Variants in SGCZ observed in about 807,000 individuals in gnomAD.
The protein encoded by SGCZ is sarcoglycan zeta, also known as zeta-sarcoglycan.
Under a neutral mutation model 41.3 loss-of-function variants are expected in SGCZ, and 40 were observed. That is an observed-to-expected ratio of 0.97 (90% CI 0.75 to 1.26). The LOEUF (loss-of-function observed/expected upper bound fraction) is 1.26. SGCZ is among the 50% of genes most tolerant of loss of function. The probability of loss-of-function intolerance (pLI) is 0.00; values close to 1 mark genes in which losing one functional copy is unlikely to be tolerated. For synonymous variants in SGCZ, 206 were observed against 137.5 expected (o/e 1.50, Z -3.49); for missense variants, 552 against 369.8 (o/e 1.49, Z -4.04).
intron 5 of SGCZ, among the ~76,000 whole-genome samples, chr8:14,139,110 G>A (rs1803289278): frequency 6.6e-6 from 1 of 152,148 alleles, no homozygotes; most frequent in Non-Finnish European, 1.5e-5. Flanking sequence ...ATCATGAAAT[G>A]AAGGCAGAAA....
intron 2 of SGCZ, among the ~76,000 whole-genome samples, chr8:14,423,247 G>A (rs1799684330): frequency 6.6e-6 from 1 of 151,626 alleles, no homozygotes; most frequent in Non-Finnish European, 1.5e-5. Context: ...CACCAGCATG[G>A]CACATGTATA....
intron 1 of SGCZ, among the ~76,000 whole-genome samples, chr8:14,751,370 T>C (rs1256714478): frequency 6.6e-6 from 1 of 152,128 alleles, no homozygotes; most frequent in East Asian, 1.9e-4. Flanking sequence ...TCTAGTCCAT[T>C]CATTAGTAGG....
At chr8:14,239,091 A>T (rs943909993) in intron 3 of SGCZ, among the ~76,000 whole-genome samples, 9 of 152,058 alleles carry the variant, frequency 5.9e-5, no homozygotes, top group Non-Finnish European at 1.3e-4. Flanking sequence ...GATCTAAAAT[A>T]TTTAAAATTA....
rs945686815 is a variant in SGCZ at position 14,164,473 on chromosome 8, G to T, written c.547+107C>A. The stretch of plus-strand genomic sequence containing the variant: ...AAGAACAAACGTTGTGATTATGTAA[G>T]ACTCTACTTTAGGCATAGGAATCAT... On this transcript the variant is annotated intron_variant, in intron 5 of 7. Transcript: ENST00000382080. 4.2e-5 allele frequency: 56 copies of T among 1,342,916 alleles called. 1 individual carries two copies. The Middle Eastern group carries it at 1.1e-3, about 27-fold the overall frequency. The allele number at this position is 1,342,916 out of a possible 1,614,324, so 83.2% of individuals were successfully genotyped here. A position where few individuals can be genotyped will look rare whatever the true frequency, so the allele number is the denominator to read the frequency against.
intron 2 of SGCZ, among the ~76,000 whole-genome samples, chr8:14,520,145 A>C (rs145820682): frequency 9.2e-5 from 14 of 152,256 alleles, no homozygotes; most frequent in African/African-American, 3.4e-4. Flanking sequence ...TAAGGTATAC[A>C]ATACATTAGC....
chr8:14,107,714 C>G (rs1244699848), intron 6 of SGCZ, among the ~76,000 whole-genome samples: 1 of 152,156 alleles, frequency 6.6e-6, no homozygotes, highest in African/African-American at 2.4e-5. Flanking sequence ...TCATATCTCA[C>G]TGCAGCCACG....
chr8:14,362,230 A>G (rs1803544880), intron 2 of SGCZ, among the ~76,000 whole-genome samples: 1 of 152,206 alleles, frequency 6.6e-6, no homozygotes, highest in Non-Finnish European at 1.5e-5. Context: ...GCTGTCAGGC[A>G]GGGACATTTA....
chr8:14,227,203 G>A (rs1585252712), intron 4 of SGCZ, among the ~76,000 whole-genome samples: 1 of 152,008 alleles, frequency 6.6e-6, no homozygotes, highest in Non-Finnish European at 1.5e-5. Flanking sequence ...TCTGAATTAC[G>A]TTCAATAATC....
intron 1 of SGCZ, among the ~76,000 whole-genome samples, chr8:14,586,861 T>A (rs1805075206): frequency 6.6e-6 from 1 of 152,174 alleles, no homozygotes; most frequent in South Asian, 2.1e-4. Flanking sequence ...ACATAGAATA[T>A]AATTAAAACG....
At chr8:14,719,836 T>C (rs977004116) in intron 1 of SGCZ, among the ~76,000 whole-genome samples, 1 of 152,032 alleles carries the variant, frequency 6.6e-6, no homozygotes, top group East Asian at 1.9e-4. Flanking sequence ...TTTCTTTTGC[T>C]GTGCAGAAGC....
At chr8:15,146,667 T>C (rs1054671193) in intron 1 of SGCZ, among the ~76,000 whole-genome samples, 1 of 152,268 alleles carries the variant, frequency 6.6e-6, no homozygotes, top group African/African-American at 2.4e-5. Context: ...AAGTAACCTC[T>C]GTGAGCATGG....
At chr8:14,733,937 AAAG>A (rs1378265472) in intron 1 of SGCZ, among the ~76,000 whole-genome samples, 1 of 152,248 alleles carries the variant, frequency 6.6e-6, no homozygotes, top group African/African-American at 2.4e-5. Context: ...CAATCAAAGC[AAAG>A]AATAAACCCA....
rs568495564 is a variant in SGCZ at position 14,594,593 on chromosome 8, T to C, written c.40-39667A>G. On this transcript the variant is annotated intron_variant, in intron 1 of 7. Coordinates refer to ENST00000382080, the MANE Select transcript of SGCZ (RefSeq NM_139167.4). ...AGAAGCAAGCAGTTTATGTCTATGGTCATGTTATTTGATACTCTGGATAGT... is the reference window on the plus strand; with the variant it reads ...AGAAGCAAGCAGTTTATGTCTATGGCCATGTTATTTGATACTCTGGATAGT... Among the ~76,000 whole-genome samples the C allele has an allele frequency of 1.1e-4, 17 of 150,602 alleles. 1 individual carries two copies. The highest frequency in any genetic ancestry group is 4.3e-4 in the African/African-American group (17 of 39,940).
In SGCZ at chr8:14,408,839, G is replaced by A. The variant is rs73219742; in HGVS notation, c.235-84635C>T. ...ATACTTTCCTGGTTTCAGGTTAAATGTTAGCTCATGATTGAGACCTTCTCT... is the reference window on the plus strand; with the variant it reads ...ATACTTTCCTGGTTTCAGGTTAAATATTAGCTCATGATTGAGACCTTCTCT... On this transcript the variant is annotated intron_variant, in intron 2 of 7. Transcript: ENST00000382080. 2.3e-3 allele frequency among the ~76,000 whole-genome samples: 352 copies of A among 152,174 alleles called. 3 individuals carry two copies. Among genetic ancestry groups the A allele is most frequent in the Non-Finnish European group, 4.3e-3 (295 of 68,000 alleles).
intron 1 of SGCZ, among the ~76,000 whole-genome samples, chr8:14,723,766 A>G (rs1809965146): frequency 6.6e-6 from 1 of 152,064 alleles, no homozygotes; most frequent in Non-Finnish European, 1.5e-5. Context: ...ATACATTTAT[A>G]TGAGTTTTAT....
chr8:14,630,551 T>G (rs1028238715), intron 1 of SGCZ, among the ~76,000 whole-genome samples: 1 of 152,098 alleles, frequency 6.6e-6, no homozygotes, highest in African/African-American at 2.4e-5. Context: ...TAAATCATGC[T>G]GCTATAAAGA....
intron 2 of SGCZ, among the ~76,000 whole-genome samples, chr8:14,415,156 T>C (rs959554288): frequency 1.3e-5 from 2 of 151,896 alleles, no homozygotes; most frequent in African/African-American, 2.4e-5. Context: ...CATTGGGTCC[T>C]TTGATATTAA....
intron 7 of SGCZ, among the ~76,000 whole-genome samples, chr8:14,096,659 G>T (rs1284292546): frequency 6.6e-6 from 1 of 152,116 alleles, no homozygotes; most frequent in East Asian, 1.9e-4. Flanking sequence ...CTATTGATTG[G>T]AATAGTTTCA....
intron 2 of SGCZ, among the ~76,000 whole-genome samples, chr8:14,443,084 CTA>C (rs1800320315): frequency 6.6e-6 from 1 of 152,104 alleles, no homozygotes; most frequent in South Asian, 2.1e-4. Context: ...AATAAAATAC[CTA>C]GGAATCCAAC....
Sources: allele counts gnomAD v4.1 joint callset (sites outside exome capture counted in the v4.1 genomes callset), GRCh38; gene constraint gnomAD v4.1.1; transcripts MANE v1.5; gene names NCBI Gene and HGNC (gene_info 2026-07-23, HGNC 2026-07-21).